Variants in FMN2 observed in about 807,000 individuals in gnomAD.
FMN2 encodes the protein formin-2.
FMN2 carries 51 observed loss-of-function variants against 142.3 expected under a neutral mutation model. That is an observed-to-expected ratio of 0.36 (90% CI 0.29 to 0.45). The LOEUF (loss-of-function observed/expected upper bound fraction) is 0.45, where lower values mean the gene tolerates loss of function less well. FMN2 is among the 20% of genes least tolerant of loss of function. FMN2 has a pLI of 1.00. For synonymous variants in FMN2, 882 were observed against 869.8 expected (o/e 1.01, Z -0.25); for missense variants, 1,936 against 2,122.8 (o/e 0.91, Z 1.73).
chr1:240,396,775 G>A (rs1367904744), intron 15 of FMN2, among the ~76,000 whole-genome samples: 1 of 152,152 alleles, frequency 6.6e-6, no homozygotes, highest in Non-Finnish European at 1.5e-5. Context: ...TTCCTGCAAA[G>A]GACATGATTT....
chr1:240,279,608 G>A lies in FMN2; in HGVS notation c.4154-15214G>A, dbSNP rs528771498. ...CTCAAAAATGTGAGTGGAGGAATTA[G>A]AACAGAGGCCTTTCTATCTTATATT... On this transcript the variant is annotated intron_variant, in intron 7 of 17. Transcript: ENST00000319653. Among the ~76,000 whole-genome samples the A allele has an allele frequency of 3.6e-4, 55 of 152,304 alleles. 1 individual carries two copies. The highest frequency in any genetic ancestry group is 4.3e-4 in the Non-Finnish European group (29 of 68,026).
At position 240,215,898 on chromosome 1, in the gene FMN2, G is replaced by A. The variant is rs142165913; in HGVS notation, c.4065+4663G>A. ...TAATTTTTGTATTTTTAGTAGAGAC[G>A]TGGTTTCGCCATGTTGATCAGGCTG... On this transcript the variant is annotated intron_variant, in intron 6 of 17. Coordinates refer to ENST00000319653, the MANE Select transcript of FMN2 (RefSeq NM_020066.5). Among the ~76,000 whole-genome samples, 172 of 152,062 alleles carry A rather than the reference G, an allele frequency of 1.1e-3. 3 individuals are homozygous for A. In the East Asian group the frequency reaches 0.029, roughly 26 times the overall value.
chr1:240,216,806 G>T (rs12727540), intron 6 of FMN2, among the ~76,000 whole-genome samples: 1 of 151,924 alleles, frequency 6.6e-6, no homozygotes, highest in Non-Finnish European at 1.5e-5. Flanking sequence ...AAAATTAGCC[G>T]GGAGTAGTGG....
At chr1:240,178,164 T>C (rs527851520) in intron 3 of FMN2, 96 bp downstream of exon 3, 3 of 1,304,226 alleles carry the variant, frequency 2.3e-6, no homozygotes, top group East Asian at 5.5e-5. Context: ...CTTTTATTTT[T>C]AATTGCATGG....
chr1:240,321,317 A>G (rs1373713573), intron 8 of FMN2, among the ~76,000 whole-genome samples: 1 of 152,206 alleles, frequency 6.6e-6, no homozygotes, highest in Admixed American at 6.5e-5. Flanking sequence ...TCTAAGCTCT[A>G]AAGCAAAAAT....
intron 2 of FMN2, among the ~76,000 whole-genome samples, chr1:240,172,975 G>A (rs568504623): frequency 9.9e-5 from 15 of 150,950 alleles, no homozygotes; most frequent in South Asian, 8.4e-4. Context: ...TTGCTCTGTC[G>A]TCCAGGCTGG....
At chr1:240,256,470 G>C (rs2102894827) in intron 6 of FMN2, among the ~76,000 whole-genome samples, 1 of 151,910 alleles carries the variant, frequency 6.6e-6, no homozygotes, top group Middle Eastern at 3.4e-3. Context: ...AGGCAGCAGT[G>C]GTTTATGCCT....
chr1:240,142,221 A>G (rs1402540555), intron 2 of FMN2, among the ~76,000 whole-genome samples: 2 of 152,110 alleles, frequency 1.3e-5, no homozygotes, highest in African/African-American at 4.8e-5. Flanking sequence ...CAGTTAGGCT[A>G]TATTGAGGCT....
intron 7 of FMN2, among the ~76,000 whole-genome samples, chr1:240,263,827 G>T (rs966723182): frequency 2.4e-4 from 37 of 152,142 alleles, no homozygotes; most frequent in Non-Finnish European, 5.9e-5. Context: ...GGGTATGAAT[G>T]GCTCTGATTC....
chr1:240,239,241 A>G (rs1667810105), intron 6 of FMN2, among the ~76,000 whole-genome samples: 1 of 152,222 alleles, frequency 6.6e-6, no homozygotes, highest in African/African-American at 2.4e-5. Context: ...GATAGGAATA[A>G]TGAATGATTT....
intron 14 of FMN2, among the ~76,000 whole-genome samples, chr1:240,383,465 T>A (rs1673297950): frequency 6.6e-6 from 1 of 152,096 alleles, no homozygotes; most frequent in Non-Finnish European, 1.5e-5. Context: ...AGAAGACATA[T>A]AAGTAGTCAA....
In FMN2 at chr1:240,436,447, A is replaced by G. The variant is rs573927139; in HGVS notation, c.4911-1614A>G. 1.8e-3 allele frequency among the ~76,000 whole-genome samples: 281 copies of G among 152,284 alleles called. 1 individual carries two copies. The highest frequency in any genetic ancestry group is 6.0e-3 in the African/African-American group (251 of 41,570). On this transcript the variant is annotated intron_variant, in intron 15 of 17. Transcript: ENST00000319653. ...AACCCACAGTCAAGAGTAGCTGTGA[A>G]TGTTTGTTTTTACGTGTGAATGCTC... is the stretch of plus-strand genomic sequence containing the variant.
chr1:240,407,653 A>G (rs1172599016), intron 15 of FMN2, among the ~76,000 whole-genome samples: 5 of 152,186 alleles, frequency 3.3e-5, no homozygotes, highest in Admixed American at 6.5e-5. Context: ...CAGTAAGCAT[A>G]TAATAAATGC....
At chr1:240,390,189 C>G (rs1226610884) in intron 14 of FMN2, among the ~76,000 whole-genome samples, 2 of 152,130 alleles carry the variant, frequency 1.3e-5, no homozygotes, top group East Asian at 3.9e-4. Context: ...GACTGTTTAT[C>G]AAAGCTGATT....
At chr1:240,165,362 G>A (rs933632527) in intron 2 of FMN2, among the ~76,000 whole-genome samples, 1 of 152,006 alleles carries the variant, frequency 6.6e-6, no homozygotes, top group Non-Finnish European at 1.5e-5. Flanking sequence ...TTTTTGTAGG[G>A]ACGGGGTCTC....
intron 6 of FMN2, among the ~76,000 whole-genome samples, chr1:240,228,345 G>GAAAAAAAAAAAAA (rs1222638702): frequency 2.0e-5 from 1 of 49,434 alleles, no homozygotes; most frequent in Non-Finnish European, 3.7e-5. Context: ...AAAAGAAAAA[G>GAAAAAAAAAAAAA]AAAAAGAAAG....
At chr1:240,409,715 T>C (rs1042601081) in intron 15 of FMN2, among the ~76,000 whole-genome samples, 1 of 152,206 alleles carries the variant, frequency 6.6e-6, no homozygotes, top group Non-Finnish European at 1.5e-5. Context: ...AGTATTGTAG[T>C]ATTTTAATAG....
At chr1:240,316,907 A>G (rs1251838440) in intron 8 of FMN2, among the ~76,000 whole-genome samples, 1 of 152,056 alleles carries the variant, frequency 6.6e-6, no homozygotes, top group East Asian at 1.9e-4. Context: ...GATTTCACCA[A>G]TTTTGCATGC....
intron 6 of FMN2, among the ~76,000 whole-genome samples, chr1:240,238,243 C>A (rs927938492): frequency 6.6e-6 from 1 of 152,084 alleles, no homozygotes; most frequent in Non-Finnish European, 1.5e-5. Flanking sequence ...AGGACTGATT[C>A]GAGGAACATT....
Sources: allele counts gnomAD v4.1 joint callset (sites outside exome capture counted in the v4.1 genomes callset), GRCh38; gene constraint gnomAD v4.1.1; transcripts MANE v1.5; gene names NCBI Gene and HGNC (gene_info 2026-07-23, HGNC 2026-07-21).